Variants in CLEC18A observed in about 807,000 individuals in gnomAD.
CLEC18A encodes mannose receptor-like 1.
Under a neutral mutation model 24.0 loss-of-function variants are expected in CLEC18A, and 5 were observed. The ratio of observed to expected loss-of-function variants is 0.21; its 90% CI spans 0.11 to 0.44. CLEC18A has a LOEUF of 0.44. Ranked by LOEUF, CLEC18A falls within the 20% of genes least tolerant of loss-of-function variation. The pLI, the probability that CLEC18A is intolerant of heterozygous loss-of-function variation, is 0.99. For missense variants in CLEC18A, 83 were observed against 233.4 expected, an observed-to-expected ratio of 0.36 and a Z score of 4.20; for synonymous variants, 29 against 100.1, an observed-to-expected ratio of 0.29 and a Z score of 4.24.
upstream of CLEC18A, among the ~76,000 whole-genome samples, chr16:69,950,301 A>G (rs2058931318): frequency 7.9e-6 from 1 of 127,070 alleles, no homozygotes; most frequent in East Asian, 2.1e-4. Flanking sequence ...CAAACTCCAG[A>G]AGGAGGACGT....
At chr16:69,943,802 C>T in the CLEC18A span, among the ~76,000 whole-genome samples, 2 of 145,902 alleles carry the variant, frequency 1.4e-5, no homozygotes, top group African/African-American at 4.9e-5. Flanking sequence ...CCCTGAACAT[C>T]GCTGGATGTT....
chr16:69,945,957 G>A (rs1241321986), upstream of CLEC18A, among the ~76,000 whole-genome samples: 1 of 151,222 alleles, frequency 6.6e-6, no homozygotes, highest in Non-Finnish European at 1.5e-5. Context: ...GCCGGGTGTG[G>A]TGGCGGGCGC....
chr16:69,955,052 G>A (rs1193027942), intron 3 of CLEC18A, among the ~76,000 whole-genome samples: 1 of 152,032 alleles, frequency 6.6e-6, no homozygotes, highest in African/African-American at 2.4e-5. Context: ...CCAGGCTGGA[G>A]TGCAGTGGTG....
At chr16:69,953,042 C>A (rs1204328182) in intron 2 of CLEC18A, 1 of 150,862 alleles carries the variant, frequency 6.6e-6, no homozygotes, top group African/African-American at 2.5e-5. Flanking sequence ...CCTGGGACCC[C>A]AGGAGGGGCT....
Position 69,954,971 on chromosome 16 carries a change from A to T in CLEC18A, c.456+398A>T, listed in dbSNP as rs187896819. On this transcript the variant is annotated intron_variant, in intron 3 of 11. Transcript: ENST00000288040. ...CACCTCAGCCTCCCAAAGTGCTGGG[A>T]TTACAGGCATGAGCCACTGTGCCCC... is the stretch of plus-strand genomic sequence containing the variant. Among the ~76,000 whole-genome samples, 664 of 151,746 alleles carry T rather than the reference A, an allele frequency of 4.4e-3. 14 individuals are homozygous for T. Among genetic ancestry groups the T allele is most frequent in the Non-Finnish European group, 6.6e-3 (446 of 67,904 alleles).
chr16:69,950,216 C>T (rs1341588424), upstream of CLEC18A, among the ~76,000 whole-genome samples: 5 of 125,860 alleles, frequency 4.0e-5, 2 homozygotes, highest in Admixed American at 4.1e-4. Context: ...CCAACCCTAC[C>T]TGCATCTCAG....
At chr16:69,946,214 C>T (rs1162001569), upstream of CLEC18A, among the ~76,000 whole-genome samples, 7 of 127,160 alleles carry the variant, frequency 5.5e-5, no homozygotes, top group African/African-American at 1.9e-4. Flanking sequence ...GCGGAGGTTG[C>T]AGTAGGAAGA....
At position 69,962,926 on chromosome 16, in the gene CLEC18A, C is replaced by T. The variant is rs747584886; in HGVS notation, c.1212-50C>T. ...ATGGGTGGAGGGCTTAGGCCTCTCC[C>T]GGTCCCTGACTTCACTCTTGCCTCC... On this transcript the variant is annotated intron_variant, in intron 10 of 11. Transcript: ENST00000288040. 3.6e-5 allele frequency: 50 copies of T among 1,387,550 alleles called. 5 individuals are homozygous for T. The African/African-American group carries it at 4.1e-4, about 11-fold the overall frequency. 86.0% of individuals were successfully genotyped at this position (1,387,550 alleles called of 1,614,324 possible). A position where few individuals can be genotyped will look rare whatever the true frequency, so the allele number is the denominator to read the frequency against.
upstream of CLEC18A, among the ~76,000 whole-genome samples, chr16:69,945,802 A>G (rs1440160789): frequency 6.6e-6 from 1 of 152,252 alleles, no homozygotes; most frequent in Non-Finnish European, 1.5e-5. Flanking sequence ...TACTAAAAAT[A>G]CAAAAATTGG....
At chr16:69,950,447 C>T (rs1034870079), upstream of CLEC18A, among the ~76,000 whole-genome samples, 151 of 120,514 alleles carry the variant, frequency 1.3e-3, 31 homozygotes, top group Non-Finnish European at 2.8e-3. Context: ...CAGATCTGCT[C>T]CAGCTCACTC....
At chr16:69,943,983 G>T in the CLEC18A span, among the ~76,000 whole-genome samples, 65 of 133,640 alleles carry the variant, frequency 4.9e-4, 5 homozygotes, top group African/African-American at 1.4e-3. Context: ...ACCAACTTCC[G>T]TAAGCCTTGA....
At chr16:69,954,994 C>T (rs1267520972) in intron 3 of CLEC18A, among the ~76,000 whole-genome samples, 3 of 151,220 alleles carry the variant, frequency 2.0e-5, no homozygotes, top group African/African-American at 4.9e-5. Context: ...GCCACTGTGC[C>T]CCGCCACATT....
At chr16:69,965,284 C>T (rs1045004442), downstream of CLEC18A, among the ~76,000 whole-genome samples, 85 of 151,618 alleles carry the variant, frequency 5.6e-4, no homozygotes, top group African/African-American at 1.9e-3. Context: ...CGCAAGGTCG[C>T]CTGCGAGCGC....
intron 2 of CLEC18A, chr16:69,953,960 C>T (rs943851185): frequency 2.9e-5 from 10 of 349,588 alleles, no homozygotes; most frequent in African/African-American, 1.3e-4. Context: ...GCAGCATGGC[C>T]GGGTGGGAGC....
intron 3 of CLEC18A, among the ~76,000 whole-genome samples, chr16:69,954,932 T>A (rs2152016126): frequency 6.6e-6 from 1 of 152,228 alleles, no homozygotes; most frequent in Non-Finnish European, 1.5e-5. Flanking sequence ...ACTCCTGGCC[T>A]CAAGTGATCC....
At chr16:69,956,035 C>T (rs374944757) in intron 3 of CLEC18A, among the ~76,000 whole-genome samples, 1 of 152,042 alleles carries the variant, frequency 6.6e-6, no homozygotes, top group Non-Finnish European at 1.5e-5. Flanking sequence ...TGCCTGAGCC[C>T]GGGAGTTCGA....
intron 2 of CLEC18A, chr16:69,953,174 C>G (rs1266652725): frequency 6.6e-6 from 1 of 152,450 alleles, no homozygotes; most frequent in Non-Finnish European, 1.5e-5. Context: ...CGTGGCCCGG[C>G]CCCGAGCACC....
chr16:69,964,501 C>CTTT (rs1959292418), downstream of CLEC18A: 1 of 117,942 alleles, frequency 8.5e-6, no homozygotes, highest in African/African-American at 3.0e-5. Flanking sequence ...CTTTTCTTTT[C>CTTT]TTTTCTTTTT....
At chr16:69,945,618 G>A in the CLEC18A span, among the ~76,000 whole-genome samples, 1 of 152,366 alleles carries the variant, frequency 6.6e-6, no homozygotes, top group Middle Eastern at 3.4e-3. Context: ...GGGATTACAG[G>A]CACATGCCAC....
Sources: allele counts gnomAD v4.1 joint callset (sites outside exome capture counted in the v4.1 genomes callset), GRCh38; gene constraint gnomAD v4.1.1; transcripts MANE v1.5; gene names NCBI Gene and HGNC (gene_info 2026-07-23, HGNC 2026-07-21).